SLC24A2: variants seen among roughly 807,000 people sequenced by gnomAD.
The protein encoded by SLC24A2 is solute carrier family 24 member 2.
Under a neutral mutation model 62.0 loss-of-function variants are expected in SLC24A2, and 36 were observed. The ratio of observed to expected loss-of-function variants is 0.58; its 90% CI spans 0.44 to 0.77. The LOEUF is 0.77. Ranked by LOEUF, SLC24A2 falls within the 30% of genes least tolerant of loss-of-function variation. The pLI is 0.00. For missense variants in SLC24A2, 846 were observed against 817.9 expected (o/e 1.03, Z -0.42); for synonymous variants, 358 against 294.0 (o/e 1.22, Z -2.23).
chr9:20,168,613 AT>A, the SLC24A2 span, among the ~76,000 whole-genome samples: 14 of 152,166 alleles, frequency 9.2e-5, no homozygotes, highest in Admixed American at 4.6e-4. Context: ...GCTTCATATC[AT>A]TCGTTATTAG....
intron 10 of SLC24A2, among the ~76,000 whole-genome samples, chr9:19,517,937 A>T (rs1159998456): frequency 6.7e-5 from 10 of 148,590 alleles, no homozygotes; most frequent in East Asian, 4.0e-4. Context: ...ACACACACAC[A>T]CACACACACA....
the SLC24A2 span, among the ~76,000 whole-genome samples, chr9:20,036,911 T>C: frequency 1.9e-5 from 2 of 103,680 alleles, no homozygotes; most frequent in Non-Finnish European, 3.7e-5. Flanking sequence ...TGTATGTATG[T>C]ATATACATGG....
the SLC24A2 span, among the ~76,000 whole-genome samples, chr9:20,050,545 A>G: frequency 6.6e-6 from 1 of 152,222 alleles, no homozygotes; most frequent in East Asian, 1.9e-4. Flanking sequence ...CCTCATGCTT[A>G]TTATATGTGA....
the SLC24A2 span, among the ~76,000 whole-genome samples, chr9:20,005,189 C>A: frequency 6.6e-6 from 1 of 152,022 alleles, no homozygotes; most frequent in African/African-American, 2.4e-5. Flanking sequence ...TAATAATTAC[C>A]ATTCACTTTA....
chr9:20,111,850 T>TA, the SLC24A2 span, among the ~76,000 whole-genome samples: 5 of 151,912 alleles, frequency 3.3e-5, no homozygotes, highest in African/African-American at 9.7e-5. Flanking sequence ...CCAAAAAGAT[T>TA]AAAAAAAATC....
intron 8 of SLC24A2, among the ~76,000 whole-genome samples, chr9:19,530,775 G>A (rs1833670069): frequency 6.6e-6 from 1 of 152,150 alleles, no homozygotes; most frequent in South Asian, 2.1e-4. Flanking sequence ...GGGGCTCAAT[G>A]AAGAAGGCTA....
the SLC24A2 span, among the ~76,000 whole-genome samples, chr9:20,289,243 A>G: frequency 1.3e-5 from 2 of 152,208 alleles, no homozygotes; most frequent in Non-Finnish European, 2.9e-5. Flanking sequence ...AGCAATAACC[A>G]CAGAAACATG....
At chr9:19,694,748 AG>A (rs951913923) in intron 2 of SLC24A2, among the ~76,000 whole-genome samples, 5 of 152,212 alleles carry the variant, frequency 3.3e-5, no homozygotes, top group African/African-American at 1.2e-4. Flanking sequence ...TGTTTCCCAC[AG>A]CATTCAGGCA....
chr9:19,771,052 C>T (rs1822671074), intron 2 of SLC24A2, among the ~76,000 whole-genome samples: 1 of 152,066 alleles, frequency 6.6e-6, no homozygotes, highest in African/African-American at 2.4e-5. Flanking sequence ...AATAAATAAC[C>T]AAAAGCAAGT....
chr9:20,287,167 C>T, the SLC24A2 span, among the ~76,000 whole-genome samples: 1 of 152,170 alleles, frequency 6.6e-6, no homozygotes, highest in East Asian at 1.9e-4. Context: ...CTCCACCATG[C>T]TTTCACTAGG....
At chr9:19,545,718 A>T (rs563646320) in intron 8 of SLC24A2, among the ~76,000 whole-genome samples, 1 of 151,404 alleles carries the variant, frequency 6.6e-6, no homozygotes, top group East Asian at 1.9e-4. Context: ...GGCTCACTGC[A>T]AGCTCCACCT....
the SLC24A2 span, among the ~76,000 whole-genome samples, chr9:20,282,670 A>G: frequency 6.6e-6 from 1 of 152,246 alleles, no homozygotes. Context: ...TTTGAAAAAT[A>G]TAGAAAAGTA....
chr9:20,061,629 G>C, the SLC24A2 span, among the ~76,000 whole-genome samples: 1 of 152,114 alleles, frequency 6.6e-6, no homozygotes, highest in Admixed American at 6.5e-5. Flanking sequence ...AATTCAATGA[G>C]GAAAGGATAG....
chr9:19,965,197 C>A, the SLC24A2 span, among the ~76,000 whole-genome samples: 7 of 152,064 alleles, frequency 4.6e-5, no homozygotes, highest in African/African-American at 1.7e-4. Flanking sequence ...CCAGTAGTGA[C>A]CAATCAGAAT....
intron 6 of SLC24A2, among the ~76,000 whole-genome samples, chr9:19,575,124 T>C (rs1055892358): frequency 7.9e-5 from 12 of 152,234 alleles, no homozygotes; most frequent in South Asian, 2.1e-4. Context: ...TTGTGGAATA[T>C]AGACACATGA....
the SLC24A2 span, among the ~76,000 whole-genome samples, chr9:20,270,353 T>C: frequency 1.3e-5 from 2 of 152,170 alleles, no homozygotes; most frequent in African/African-American, 4.8e-5. Context: ...TACTGTAGAA[T>C]TGGGAATAAT....
At chr9:19,583,738 T>C (rs1028408869) in intron 5 of SLC24A2, among the ~76,000 whole-genome samples, 4 of 152,078 alleles carry the variant, frequency 2.6e-5, no homozygotes, top group Non-Finnish European at 5.9e-5. Flanking sequence ...GTACCAGGTG[T>C]TTATACTCCA....
chr9:19,762,008 G>A (rs943350724), intron 2 of SLC24A2, among the ~76,000 whole-genome samples: 5 of 152,084 alleles, frequency 3.3e-5, no homozygotes, highest in African/African-American at 1.2e-4. Context: ...GTAATGGGAT[G>A]GCTGGGTCAA....
chr9:19,658,863 G>A (rs140448119), intron 2 of SLC24A2, among the ~76,000 whole-genome samples: 8 of 152,276 alleles, frequency 5.3e-5, no homozygotes, highest in Non-Finnish European at 7.4e-5. Context: ...CCAGCAGCCC[G>A]TTTCTACAGC....
Sources: allele counts gnomAD v4.1 joint callset (sites outside exome capture counted in the v4.1 genomes callset), GRCh38; gene constraint gnomAD v4.1.1; transcripts MANE v1.5; gene names NCBI Gene and HGNC (gene_info 2026-07-23, HGNC 2026-07-21).